Variants in MIA2 observed in about 807,000 individuals in gnomAD.
MIA2 encodes the protein melanoma inhibitory activity protein 2.
A neutral mutation model predicts 167.8 loss-of-function variants in MIA2; 127 were observed. The ratio of observed to expected loss-of-function variants is 0.76; its 90% confidence interval spans 0.66 to 0.88. The LOEUF is 0.88. MIA2 is among the 40% of genes least tolerant of loss of function. MIA2 has a pLI of 0.00. For missense variants in MIA2, 1,690 were observed against 1,624.7 expected (o/e 1.04, Z -0.69); for synonymous variants, 552 against 541.9 (o/e 1.02, Z -0.26).
intron 9 of MIA2, among the ~76,000 whole-genome samples, chr14:39,283,841 T>G (rs2059274720): frequency 6.6e-6 from 1 of 152,234 alleles, no homozygotes; most frequent in Non-Finnish European, 1.5e-5. Flanking sequence ...TGCCTGTTTT[T>G]AAATCAGGTT....
chr14:39,353,608 A>T (rs2074447562), downstream of MIA2, among the ~76,000 whole-genome samples: 1 of 152,144 alleles, frequency 6.6e-6, no homozygotes, highest in Non-Finnish European at 1.5e-5. Flanking sequence ...TGTAGGGTAC[A>T]TGTGCACAAT....
In MIA2 at chr14:39,291,050, AG is replaced by A; in HGVS notation, c.2164del (p.Asp722MetfsTer21). On this transcript the variant is annotated frameshift_variant, in exon 10 of 29. Coordinates refer to ENST00000640607, the MANE Select transcript of MIA2 (RefSeq NM_001329214.4). LOFTEE classifies it high-confidence loss of function. ...YEGYEVESSL[K>X]DASFEKEATE... is the part of the protein sequence containing the mutation. ...GGCTATGAAGTAGAGTCATCTTTAA[AG>A]GATGCCAGCTTTGAGAAGGAGGCAA... 1 of 1,608,106 alleles carries A rather than the reference AG, an allele frequency of 6.2e-7. No homozygotes were observed. The highest frequency in any genetic ancestry group is 8.5e-7 in the Non-Finnish European group (1 of 1,177,966).
At position 39,247,213 on chromosome 14, in the gene MIA2, T is replaced by C. The variant is rs896205571; in HGVS notation, c.639T>C (p.His213=). Residue 213 remains histidine (H), a synonymous_variant, in exon 4 of 29, where the codon CAT becomes CAC. Transcript: ENST00000640607. The part of the protein sequence containing the change: ...SMEQDRIPEV[H]VPPSSAVSGV... Reference sequence around the variant, plus strand: ...AACAGGATCGTATTCCAGAAGTGCATGTCCCACCATCTTCAGCTGTGTCTG... The same window carrying C: ...AACAGGATCGTATTCCAGAAGTGCACGTCCCACCATCTTCAGCTGTGTCTG... The C allele has an allele frequency of 2.5e-6, 4 of 1,614,036 alleles. No individual in the cohort carries two copies. The highest frequency in any genetic ancestry group is 2.2e-5 in the East Asian group (1 of 44,884).
chr14:39,320,018 G>C (rs2066140777), intron 23 of MIA2, among the ~76,000 whole-genome samples: 1 of 151,996 alleles, frequency 6.6e-6, no homozygotes, highest in Non-Finnish European at 1.5e-5. Flanking sequence ...TAAAATGAAA[G>C]TCTGTTTCTA....
chr14:39,366,845 A>C (rs2074832273), intron 23 of MIA2, among the ~76,000 whole-genome samples: 1 of 152,128 alleles, frequency 6.6e-6, no homozygotes, highest in Admixed American at 6.5e-5. Context: ...CAGTGCTCAC[A>C]GCTGCAGGTA....
At chr14:39,374,360 A>G (rs2075007566) in intron 23 of MIA2, among the ~76,000 whole-genome samples, 2 of 152,242 alleles carry the variant, frequency 1.3e-5, no homozygotes, top group South Asian at 2.1e-4. Flanking sequence ...ACCTATAAAC[A>G]GCAAACTAAT....
chr14:39,331,604 C>A (rs1414098200), intron 25 of MIA2, among the ~76,000 whole-genome samples: 1 of 152,100 alleles, frequency 6.6e-6, no homozygotes, highest in East Asian at 1.9e-4. Flanking sequence ...GCGGTTTTTC[C>A]CTTCCATATT....
chr14:39,289,957 GT>G (rs2060503741), intron 9 of MIA2, among the ~76,000 whole-genome samples: 1 of 152,106 alleles, frequency 6.6e-6, no homozygotes, highest in Non-Finnish European at 1.5e-5. Context: ...TCTAAGTTTG[GT>G]CGTCTTGCCT....
chr14:39,331,594 G>C (rs8007252), intron 25 of MIA2, among the ~76,000 whole-genome samples: 53,470 of 152,038 alleles, frequency 0.35, 10,612 homozygotes, highest in African/African-American at 0.53. Context: ...GTGGCTGGTA[G>C]CGGTTTTTCC....
chr14:39,309,196 TCTC>T (rs2063813396), intron 18 of MIA2, among the ~76,000 whole-genome samples: 1 of 152,182 alleles, frequency 6.6e-6, no homozygotes, highest in Non-Finnish European at 1.5e-5. Context: ...TTATGGGTAG[TCTC>T]CTTCTTTCCG....
chr14:39,314,820 G>A (rs1555390630), intron 20 of MIA2, 21 bp downstream of exon 20: 7 of 1,196,836 alleles, frequency 5.8e-6, no homozygotes, highest in Admixed American at 4.9e-5. Flanking sequence ...ATGTGTGTGT[G>A]TGTGTGTGTG....
chr14:39,371,118 C>T (rs914835416), intron 23 of MIA2, among the ~76,000 whole-genome samples: 2 of 151,730 alleles, frequency 1.3e-5, no homozygotes, highest in African/African-American at 2.4e-5. Context: ...GTAAATGGTC[C>T]ATTTTGTGAA....
chr14:39,355,559 G>A (rs2074500851), downstream of MIA2, among the ~76,000 whole-genome samples: 1 of 152,172 alleles, frequency 6.6e-6, no homozygotes, highest in East Asian at 1.9e-4. Flanking sequence ...TCTCCTGCCT[G>A]ATTGCCCTGG....
At position 39,315,768 on chromosome 14, in the gene MIA2, T is replaced by C. The variant is rs550637398; in HGVS notation, c.3216+50T>C. 16 of 1,220,726 alleles carry C rather than the reference T, an allele frequency of 1.3e-5. No individual in the cohort carries two copies. In the East Asian group the frequency reaches 2.2e-4, roughly 17 times the overall value. The allele number at this position is 1,220,726 out of a possible 1,614,324, so 75.6% of individuals were successfully genotyped here. ...TCTTTTGTCAAATTGTATGTTTTTTTCAGAAGATACGTTGTTTATTTAAAT... is the reference window on the plus strand; with the variant it reads ...TCTTTTGTCAAATTGTATGTTTTTTCCAGAAGATACGTTGTTTATTTAAAT... On this transcript the variant is annotated intron_variant, in intron 21 of 28. Coordinates refer to ENST00000640607, the MANE Select transcript of MIA2 (RefSeq NM_001329214.4).
intron 23 of MIA2, among the ~76,000 whole-genome samples, chr14:39,361,423 CT>C (rs2074679547): frequency 7.4e-6 from 1 of 135,520 alleles, no homozygotes. Flanking sequence ...CTGACTAGGA[CT>C]TTTAGGTGTG....
chr14:39,270,510 TTTG>T (rs548554106), intron 6 of MIA2, among the ~76,000 whole-genome samples: 13 of 151,940 alleles, frequency 8.6e-5, no homozygotes, highest in East Asian at 3.9e-4. Context: ...TACTCTGTTT[TTTG>T]TTGTTGTTGT....
intron 23 of MIA2, among the ~76,000 whole-genome samples, chr14:39,381,964 TAAG>T (rs1420830752): frequency 6.6e-6 from 1 of 152,152 alleles, no homozygotes; most frequent in African/African-American, 2.4e-5. Context: ...CTTTAGTTAT[TAAG>T]GAGAATTTCT....
chr14:39,274,735 A>T (rs1157187303), intron 6 of MIA2, among the ~76,000 whole-genome samples: 1 of 150,950 alleles, frequency 6.6e-6, no homozygotes, highest in Non-Finnish European at 1.5e-5. Flanking sequence ...CAAGACTCAG[A>T]TTCTTTGCTT....
intron 23 of MIA2, among the ~76,000 whole-genome samples, chr14:39,364,657 T>A (rs1245385105): frequency 6.6e-6 from 1 of 152,170 alleles, no homozygotes; most frequent in Non-Finnish European, 1.5e-5. Flanking sequence ...AGACTTTATT[T>A]TCCCTTTTGT....
Sources: allele counts gnomAD v4.1 joint callset (sites outside exome capture counted in the v4.1 genomes callset), GRCh38; gene constraint gnomAD v4.1.1; transcripts MANE v1.5; gene names NCBI Gene and HGNC (gene_info 2026-07-23, HGNC 2026-07-21).